ANO10: variants seen among roughly 807,000 people sequenced by gnomAD.
ANO10 encodes anoctamin-10.
Under a neutral mutation model 74.7 loss-of-function variants are expected in ANO10, and 77 were observed. The ratio of observed to expected loss-of-function variants is 1.03; its 90% CI spans 0.86 to 1.25. The LOEUF is 1.25. Ranked by LOEUF, ANO10 falls within the 50% of genes most tolerant of loss-of-function variation. The pLI, the probability that ANO10 is intolerant of heterozygous loss-of-function variation, is 0.00. For synonymous variants in ANO10, 279 were observed against 284.9 expected (o/e 0.98, Z 0.21); for missense variants, 721 against 778.1 (o/e 0.93, Z 0.87).
intron 11 of ANO10, among the ~76,000 whole-genome samples, chr3:43,443,113 C>T (rs1325072478): frequency 1.3e-5 from 2 of 152,170 alleles, no homozygotes; most frequent in Non-Finnish European, 2.9e-5. Flanking sequence ...CACCTTGCTC[C>T]ACTCCAACCA....
At chr3:43,648,784 C>A (rs2083754511) in intron 1 of ANO10, among the ~76,000 whole-genome samples, 1 of 150,584 alleles carries the variant, frequency 6.6e-6, no homozygotes, top group East Asian at 2.0e-4. Flanking sequence ...TCACGCCATT[C>A]TTCTGCCTCA....
chr3:43,414,591 T>G (rs2092710040), intron 12 of ANO10, among the ~76,000 whole-genome samples: 1 of 152,170 alleles, frequency 6.6e-6, no homozygotes, highest in South Asian at 2.1e-4. Context: ...CTAATTAGCC[T>G]TTCAAAACGA....
chr3:43,515,838 G>C (rs1310777945), intron 11 of ANO10, among the ~76,000 whole-genome samples: 1 of 152,102 alleles, frequency 6.6e-6, no homozygotes, highest in African/African-American at 2.4e-5. Context: ...CCTGGGGCAA[G>C]GTTTCCTTCT....
intron 1 of ANO10, among the ~76,000 whole-genome samples, chr3:43,608,815 A>G (rs1211073825): frequency 6.6e-6 from 1 of 152,128 alleles, no homozygotes; most frequent in Non-Finnish European, 1.5e-5. Context: ...TACTGAGCTC[A>G]AGCAGTTCTC....
intron 1 of ANO10, among the ~76,000 whole-genome samples, chr3:43,677,475 C>T (rs2084137835): frequency 6.6e-6 from 1 of 152,202 alleles, no homozygotes; most frequent in South Asian, 2.1e-4. Context: ...AAGGAGTTAT[C>T]AATGCATCGT....
intron 1 of ANO10, among the ~76,000 whole-genome samples, chr3:43,647,733 G>A (rs2083742199): frequency 6.6e-6 from 1 of 151,980 alleles, no homozygotes; most frequent in South Asian, 2.1e-4. Flanking sequence ...TATCCCCATG[G>A]GCTCTGGAAG....
intron 11 of ANO10, among the ~76,000 whole-genome samples, chr3:43,537,270 T>C (rs781108463): frequency 4.6e-5 from 7 of 152,176 alleles, no homozygotes; most frequent in Non-Finnish European, 7.4e-5. Flanking sequence ...GGTTTCCTTT[T>C]CCAGCATAAA....
chr3:43,483,486 T>C (rs1203137178), intron 11 of ANO10, among the ~76,000 whole-genome samples: 1 of 152,206 alleles, frequency 6.6e-6, no homozygotes, highest in African/African-American at 2.4e-5. Context: ...TTCCTAACCA[T>C]GCAATAGACA....
intron 1 of ANO10, among the ~76,000 whole-genome samples, chr3:43,631,755 TAAA>T (rs373728765): frequency 3.5e-5 from 4 of 114,932 alleles, no homozygotes; most frequent in South Asian, 2.7e-4. Context: ...AAAGTGCTTA[TAAA>T]AAAAAAAAAA....
chr3:43,599,916 A>G (rs2082259924), intron 3 of ANO10, among the ~76,000 whole-genome samples: 1 of 152,216 alleles, frequency 6.6e-6, no homozygotes, highest in Non-Finnish European at 1.5e-5. Context: ...AAAAAAAAAA[A>G]AAAGAAAATA....
At chr3:43,688,730 G>A (rs1259187481) in intron 1 of ANO10, among the ~76,000 whole-genome samples, 2 of 151,972 alleles carry the variant, frequency 1.3e-5, no homozygotes, top group Non-Finnish European at 1.5e-5. Flanking sequence ...TGGAATCCCA[G>A]CTACTCAGGA....
chr3:43,604,025 T>C (rs899753133), intron 2 of ANO10, among the ~76,000 whole-genome samples: 3 of 152,164 alleles, frequency 2.0e-5, no homozygotes, highest in African/African-American at 4.8e-5. Context: ...CTCCAGAGAA[T>C]AAACCTCAAG....
At chr3:43,651,417 A>G (rs11921755) in intron 1 of ANO10, among the ~76,000 whole-genome samples, 20,578 of 152,180 alleles carry the variant, frequency 0.14, 2,988 homozygotes, top group African/African-American at 0.36. Context: ...TGCAGTACAA[A>G]TGTAGTCTAC....
intron 8 of ANO10, among the ~76,000 whole-genome samples, 200 bp downstream of exon 8, chr3:43,565,453 G>A (rs2080264911): frequency 6.6e-6 from 1 of 151,996 alleles, no homozygotes; most frequent in African/African-American, 2.4e-5. Context: ...TTTTCAGGTT[G>A]GTTAGGTTCA....
intron 1 of ANO10, chr3:43,691,042 A>G: frequency 1.3e-6 from 2 of 1,553,404 alleles, no homozygotes; most frequent in Non-Finnish European, 1.7e-6. Context: ...GGAGAGAGGT[A>G]AGCGCAGCCG....
intron 1 of ANO10, among the ~76,000 whole-genome samples, chr3:43,672,891 C>T (rs1049102105): frequency 1.3e-5 from 2 of 152,148 alleles, no homozygotes; most frequent in Non-Finnish European, 2.9e-5. Flanking sequence ...TATAAATACT[C>T]TCAATTTCAA....
chr3:43,494,875 A>G (rs1435721761), intron 11 of ANO10, among the ~76,000 whole-genome samples: 3 of 152,180 alleles, frequency 2.0e-5, no homozygotes, highest in East Asian at 1.9e-4. Flanking sequence ...CACAATTTCA[A>G]TCAGGGCCTA....
chr3:43,685,415 T>C (rs772211996), intron 1 of ANO10, among the ~76,000 whole-genome samples: 24 of 152,234 alleles, frequency 1.6e-4, no homozygotes, highest in Non-Finnish European at 2.9e-4. Context: ...GTATTCCATA[T>C]TATGGAGGTA....
intron 12 of ANO10, among the ~76,000 whole-genome samples, chr3:43,418,534 A>T (rs115555397): frequency 1.3e-3 from 195 of 152,360 alleles, no homozygotes; most frequent in African/African-American, 4.6e-3. Context: ...GAGAATAATG[A>T]ACCCCAACTT....
Sources: gnomAD v4.1 joint callset for allele counts (sites outside exome capture counted in the v4.1 genomes callset) on GRCh38, gnomAD v4.1.1 for gene constraint, MANE v1.5 for transcripts, NCBI Gene and HGNC (gene_info 2026-07-23, HGNC 2026-07-21) for gene names.